Variants in NAALADL2 observed in about 807,000 individuals in gnomAD.
NAALADL2 encodes N-acetylated alpha-linked acidic dipeptidase like 2, also known as inactive N-acetylated-alpha-linked acidic dipeptidase-like protein 2.
NAALADL2 carries 76 observed loss-of-function variants against 87.2 expected under a neutral mutation model. The observed-to-expected ratio is 0.87, with a 90% CI of 0.72 to 1.05. The LOEUF is 1.05. Ranked by LOEUF, NAALADL2 falls within the 50% of genes least tolerant of loss-of-function variation. The probability of loss-of-function intolerance (pLI) is 0.00; values close to 1 mark genes in which losing one functional copy is unlikely to be tolerated. For synonymous variants in NAALADL2, 354 were observed against 331.0 expected (o/e 1.07, Z -0.75); for missense variants, 1,089 against 945.8 (o/e 1.15, Z -1.99).
At chr3:175,439,731 C>CTTTTTTTTTTTTTTTTTTTTTTT (rs535237866) in intron 5 of NAALADL2, among the ~76,000 whole-genome samples, 2 of 113,786 alleles carry the variant, frequency 1.8e-5, no homozygotes, top group Non-Finnish European at 1.8e-5. Flanking sequence ...GTTTTTTTTT[C>CTTTTTTTTTTTTTTTTTTTTTTT]TTTTTTTTCT....
chr3:175,136,697 C>G (rs1195064409), intron 2 of NAALADL2, among the ~76,000 whole-genome samples: 1 of 151,834 alleles, frequency 6.6e-6, no homozygotes, highest in Admixed American at 6.6e-5. Context: ...CAAAAATGAC[C>G]TCATGCTTTA....
chr3:175,169,670 C>T (rs569950627), intron 2 of NAALADL2, among the ~76,000 whole-genome samples: 34 of 151,440 alleles, frequency 2.2e-4, no homozygotes, highest in African/African-American at 3.9e-4. Flanking sequence ...GCATCCTGTC[C>T]GTGATGCATC....
chr3:175,393,649 T>C lies in NAALADL2; in HGVS notation c.1091-53580T>C, dbSNP rs572503580. On this transcript the variant is annotated intron_variant, in intron 5 of 13. Coordinates refer to ENST00000454872, the MANE Select transcript of NAALADL2 (RefSeq NM_207015.3). ...ACTTTCTCTCTGGATTATTTGAGAGTAAATTATCTCAATAACCTGAGGATA... is the reference window on the plus strand; with the variant it reads ...ACTTTCTCTCTGGATTATTTGAGAGCAAATTATCTCAATAACCTGAGGATA... 8.5e-5 allele frequency among the ~76,000 whole-genome samples: 13 copies of C among 152,264 alleles called. 1 individual carries two copies. The South Asian group carries it at 2.5e-3, about 29-fold the overall frequency.
At chr3:175,515,393 A>T (rs1361083678) in intron 9 of NAALADL2, among the ~76,000 whole-genome samples, 2 of 152,182 alleles carry the variant, frequency 1.3e-5, no homozygotes, top group African/African-American at 4.8e-5. Flanking sequence ...AATACAGCCA[A>T]GAAAGGCAAT....
chr3:175,123,488 A>G (rs9844391), intron 2 of NAALADL2, among the ~76,000 whole-genome samples: 94,630 of 151,788 alleles, frequency 0.62, 30,430 homozygotes, highest in African/African-American at 0.8. Flanking sequence ...TCATTGTCAC[A>G]TATTAATTAC....
At chr3:175,079,876 C>G (rs1717402675) in intron 1 of NAALADL2, among the ~76,000 whole-genome samples, 1 of 152,092 alleles carries the variant, frequency 6.6e-6, no homozygotes, top group Non-Finnish European at 1.5e-5. Flanking sequence ...GATATGCCCT[C>G]AATTTAGCTT....
rs1268283231 is a variant in NAALADL2 at position 175,667,159 on chromosome 3, GAAAA to G, written c.1896+39775_1896+39778del. Among the ~76,000 whole-genome samples, 691 of 116,302 alleles carry G rather than the reference GAAAA, an allele frequency of 5.9e-3. 12 individuals carry two copies. Among genetic ancestry groups the G allele is most frequent in the African/African-American group, 0.022 (664 of 30,662 alleles). 76.3% of individuals were successfully genotyped at this position (116,302 alleles called of 152,430 possible). The stretch of plus-strand genomic sequence containing the variant: ...AGAAAGAAAGAGAGAGAGAGAGAAA[GAAAA>G]AGAAAGAAAGAAAGAAAGAGAAAGA... On this transcript the variant is annotated intron_variant, in intron 11 of 13. Coordinates refer to ENST00000454872, the MANE Select transcript of NAALADL2 (RefSeq NM_207015.3).
chr3:175,323,800 G>T (rs143371647), intron 4 of NAALADL2, among the ~76,000 whole-genome samples: 2 of 151,728 alleles, frequency 1.3e-5, no homozygotes, highest in Non-Finnish European at 2.9e-5. Context: ...GGCGGATCAC[G>T]AGGTCAGGCG....
At chr3:174,741,953 C>T (rs906993456) in intron 3 of NAALADL2, among the ~76,000 whole-genome samples, 7 of 151,626 alleles carry the variant, frequency 4.6e-5, no homozygotes, top group Admixed American at 1.3e-4. Flanking sequence ...ATACTTTTTG[C>T]GTATGCACTG....
At chr3:174,466,054 G>T (rs995409208) in intron 1 of NAALADL2, among the ~76,000 whole-genome samples, 12 of 152,108 alleles carry the variant, frequency 7.9e-5, no homozygotes, top group African/African-American at 2.9e-4. Flanking sequence ...AGGTTACCAG[G>T]TCTCAAGTTC....
chr3:175,670,501 TATTTATATTAA>T lies in NAALADL2; in HGVS notation c.1896+43129_1896+43139del, dbSNP rs60867627. 1.3e-3 allele frequency among the ~76,000 whole-genome samples: 133 copies of T among 99,030 alleles called. 1 individual carries two copies. Among genetic ancestry groups the T allele is most frequent in the African/African-American group, 6.3e-3 (121 of 19,096 alleles). The allele number at this position is 99,030 out of a possible 152,430, so 65.0% of individuals were successfully genotyped here. Reference sequence around the variant, plus strand: ...ATTTATATTAAATGTAAATTTAATATATTTATATTAAATTTATATTAAATGTAAATTTAATT... The same window carrying T: ...ATTTATATTAAATGTAAATTTAATATATTTATATTAAATGTAAATTTAATT... On this transcript the variant is annotated intron_variant, in intron 11 of 13. Transcript: ENST00000454872.
At position 175,208,171 on chromosome 3, in the gene NAALADL2, T is replaced by C. The variant is rs539477599; in HGVS notation, c.546-25760T>C. Among the ~76,000 whole-genome samples the C allele has an allele frequency of 1.2e-4, 18 of 152,246 alleles. No homozygotes were observed. In the South Asian group the frequency reaches 3.5e-3, roughly 30 times the overall value. ...ATCCTCAGCTCTAGTAAATTTAATA[T>C]TTTGATCCTACCGTTACTTATTTAT... On this transcript the variant is annotated intron_variant, in intron 2 of 13. Transcript: ENST00000454872.
At chr3:175,501,476 A>AG (rs1729541040) in intron 9 of NAALADL2, among the ~76,000 whole-genome samples, 1 of 148,332 alleles carries the variant, frequency 6.7e-6, no homozygotes, top group Non-Finnish European at 1.5e-5. Flanking sequence ...GGCTCAGTGT[A>AG]GGTCAGATGT....
At chr3:174,533,981 CTACTT>C (rs1455979038) in intron 1 of NAALADL2, among the ~76,000 whole-genome samples, 9 of 152,114 alleles carry the variant, frequency 5.9e-5, no homozygotes, top group Non-Finnish European at 1.3e-4. Flanking sequence ...TCATTTTTCT[CTACTT>C]TATAAACATG....
intron 1 of NAALADL2, among the ~76,000 whole-genome samples, chr3:175,079,867 A>C (rs1323694515): frequency 1.3e-5 from 2 of 152,196 alleles, no homozygotes; most frequent in African/African-American, 4.8e-5. Context: ...GATGCCCTTG[A>C]TATGCCCTCA....
At chr3:175,327,148 C>CTTTTTT (rs35198621) in intron 5 of NAALADL2, among the ~76,000 whole-genome samples, 93 of 99,498 alleles carry the variant, frequency 9.3e-4, no homozygotes, top group Middle Eastern at 6.8e-3. Context: ...GTCTACATTT[C>CTTTTTT]TTTTTTTTTT....
At chr3:174,758,595 C>G (rs1209277037) in intron 3 of NAALADL2, among the ~76,000 whole-genome samples, 1 of 152,190 alleles carries the variant, frequency 6.6e-6, no homozygotes, top group Non-Finnish European at 1.5e-5. Flanking sequence ...AAGATATTTT[C>G]CTCCTTCCCA....
chr3:174,757,280 G>A (rs971415434), intron 3 of NAALADL2, among the ~76,000 whole-genome samples: 2 of 152,136 alleles, frequency 1.3e-5, no homozygotes, highest in Admixed American at 6.5e-5. Context: ...GTAGGTGGTA[G>A]CAGTGAGACT....
At chr3:174,557,103 C>T (rs1712926493) in intron 2 of NAALADL2, among the ~76,000 whole-genome samples, 1 of 152,072 alleles carries the variant, frequency 6.6e-6, no homozygotes, top group East Asian at 1.9e-4. Flanking sequence ...TATACAAAAA[C>T]AACATTTAAA....
Sources: allele counts gnomAD v4.1 joint callset (sites outside exome capture counted in the v4.1 genomes callset), GRCh38; gene constraint gnomAD v4.1.1; transcripts MANE v1.5; gene names NCBI Gene and HGNC (gene_info 2026-07-23, HGNC 2026-07-21).